Variants in TPST2 observed in about 807,000 individuals in gnomAD.
The protein encoded by TPST2 is tyrosylprotein sulfotransferase 2.
TPST2 carries 16 observed loss-of-function variants against 27.8 expected under a neutral mutation model. That is an observed-to-expected ratio of 0.58 (90% confidence interval 0.39 to 0.88). The LOEUF (loss-of-function observed/expected upper bound fraction) is 0.88. Among genes scored for constraint, TPST2 ranks in the 40% least tolerant of loss-of-function variants. The pLI is 0.00. For synonymous variants in TPST2, 229 were observed against 231.7 expected, an observed-to-expected ratio of 0.99 and a Z score of 0.10; for missense variants, 464 against 543.1, an observed-to-expected ratio of 0.85 and a Z score of 1.45.
intron 1 of TPST2, among the ~76,000 whole-genome samples, chr22:26,546,714 C>T (rs1926145785): frequency 1.3e-5 from 2 of 152,256 alleles, no homozygotes; most frequent in South Asian, 4.1e-4. Context: ...GCACTAGCCA[C>T]ACTGCAAGTG....
chr22:26,582,001 G>A (rs749661311), intron 1 of TPST2, among the ~76,000 whole-genome samples: 12 of 152,222 alleles, frequency 7.9e-5, no homozygotes, highest in Non-Finnish European at 1.8e-4. Flanking sequence ...TGTGGCCTAT[G>A]AGTGGTAATC....
In TPST2 at chr22:26,541,031, C is replaced by T. The variant is rs200350323; in HGVS notation, c.600G>A (p.Ala200=). The T allele has an allele frequency of 7.7e-5, 125 of 1,614,054 alleles. 1 individual carries two copies. In the East Asian group the frequency reaches 2.0e-3, roughly 25 times the overall value. Reference sequence around the variant, plus strand: ...CACGGTAGCTGCTGAGGTCAAAGCCCGCAATGGTGACTTTGCGCGTGATCA... The same window carrying T: ...CACGGTAGCTGCTGAGGTCAAAGCCTGCAATGGTGACTTTGCGCGTGATCA... ...HSMITRKVTI[A]GFDLSSYRDC... The change falls in exon 3 of 7, where the codon GCG becomes GCA. Residue 200 remains alanine, a synonymous_variant. Transcript: ENST00000338754. The surrounding 1 kb of genome is among the most constrained non-coding windows in gnomAD (Gnocchi z 5.9).
At chr22:26,531,213 C>A (rs941453672) in intron 5 of TPST2, among the ~76,000 whole-genome samples, 2 of 152,154 alleles carry the variant, frequency 1.3e-5, no homozygotes, top group Admixed American at 6.6e-5. Context: ...ACCCTCATCT[C>A]CCTACTGTCC....
At chr22:26,557,679 G>C (rs560340875) in intron 1 of TPST2, among the ~76,000 whole-genome samples, 1 of 151,766 alleles carries the variant, frequency 6.6e-6, no homozygotes, top group Admixed American at 6.6e-5. Flanking sequence ...GCTCTCTCTG[G>C]TGTAGGATGC....
chr22:26,584,257 C>A (rs575374349), intron 1 of TPST2, among the ~76,000 whole-genome samples: 1 of 152,130 alleles, frequency 6.6e-6, no homozygotes, highest in Non-Finnish European at 1.5e-5. Flanking sequence ...TGCTTCCAAG[C>A]TCTGCTGTGC....
At position 26,541,310 on chromosome 22, in the gene TPST2, C is replaced by T. The variant is rs781451764; in HGVS notation, c.321G>A (p.Leu107=). ...ACTTGGACCAGGCCTGGCGCATGGCCAGCACGCGCGGGATGATGCGGGTCT... is the reference window on the plus strand; with the variant it reads ...ACTTGGACCAGGCCTGGCGCATGGCTAGCACGCGCGGGATGATGCGGGTCT... ...GEETRIIPRV[L]AMRQAWSKSG... is the part of the protein sequence containing the mutation. The change falls in exon 3 of 7, where the codon CTG becomes CTA. Residue 107 remains leucine, a synonymous_variant. Coordinates refer to ENST00000338754, the MANE Select transcript of TPST2 (RefSeq NM_003595.5). The surrounding 1 kb of genome is among the most constrained non-coding windows in gnomAD (Gnocchi z 5.9). The T allele has an allele frequency of 1.3e-5, 20 of 1,543,218 alleles. No homozygotes were observed. The highest frequency in any genetic ancestry group is 1.7e-5 in the Non-Finnish European group (20 of 1,142,962).
At chr22:26,564,896 G>A (rs1282006453) in intron 1 of TPST2, among the ~76,000 whole-genome samples, 4 of 152,118 alleles carry the variant, frequency 2.6e-5, no homozygotes, top group Admixed American at 2.6e-4. Context: ...TGTGGCCCTG[G>A]GCAAACTGCT....
At chr22:26,552,156 G>T (rs1926517626) in intron 1 of TPST2, among the ~76,000 whole-genome samples, 1 of 152,154 alleles carries the variant, frequency 6.6e-6, no homozygotes, top group Non-Finnish European at 1.5e-5. Flanking sequence ...GGGATTGCAG[G>T]CATGGGCCAC....
At chr22:26,587,438 T>A (rs1232129842) in intron 1 of TPST2, among the ~76,000 whole-genome samples, 1 of 152,104 alleles carries the variant, frequency 6.6e-6, no homozygotes, top group Non-Finnish European at 1.5e-5. Context: ...CCTCCTGGGT[T>A]CAAGCGATTC....
chr22:26,541,180 G>C lies in TPST2; in HGVS notation c.451C>G (p.Pro151Ala), dbSNP rs1925790558. 6.3e-7 allele frequency: 1 copy of C among 1,595,238 alleles called. No individual in the cohort carries two copies. The highest frequency in any genetic ancestry group is 8.6e-7 in the Non-Finnish European group (1 of 1,168,704). Residue 151 changes from proline to alanine, a missense_variant, in exon 3 of 7, where the codon CCG becomes GCG. Transcript: ENST00000338754. The surrounding 1 kb of genome is among the most constrained non-coding windows in gnomAD (Gnocchi z 5.9). ...TCCTTGTTGCAGAGCACGCGGGCCG[G>C]CTCTCCGTGCTTGGCAATCACCTCC... ...ILEVIAKHGE[P>A]ARVLCNKDPF...
chr22:26,581,193 C>T (rs900583401), intron 1 of TPST2, among the ~76,000 whole-genome samples: 2 of 152,172 alleles, frequency 1.3e-5, no homozygotes, highest in Non-Finnish European at 2.9e-5. Flanking sequence ...ACAAAGCTAA[C>T]TCCTACTGGC....
chr22:26,571,008 T>C (rs1248357765), intron 1 of TPST2, among the ~76,000 whole-genome samples: 2 of 152,188 alleles, frequency 1.3e-5, no homozygotes, highest in Non-Finnish European at 2.9e-5. Context: ...GTCTCATCAG[T>C]TGATTTTCAG....
At chr22:26,528,373 AGTATTTACT>A (rs1455133421) in intron 5 of TPST2, 111 bp from the exon 6 acceptor site, 2 of 1,287,126 alleles carry the variant, frequency 1.6e-6, no homozygotes, top group East Asian at 2.5e-5. Flanking sequence ...TTATTCACGT[AGTATTTACT>A]GTACATCTAC....
chr22:26,575,622 C>T (rs1452242071), intron 1 of TPST2, among the ~76,000 whole-genome samples: 1 of 152,224 alleles, frequency 6.6e-6, no homozygotes, highest in Non-Finnish European at 1.5e-5. Context: ...ACAGGAGGTG[C>T]TCATATTTGC....
At chr22:26,569,827 T>C (rs1927529661) in intron 1 of TPST2, among the ~76,000 whole-genome samples, 1 of 150,170 alleles carries the variant, frequency 6.7e-6, no homozygotes, top group Non-Finnish European at 1.5e-5. Context: ...CGCAGGCACC[T>C]GTAATCCCAG....
chr22:26,558,694 G>C (rs904408668), intron 1 of TPST2, among the ~76,000 whole-genome samples: 1 of 152,122 alleles, frequency 6.6e-6, no homozygotes, highest in Non-Finnish European at 1.5e-5. Context: ...GGCCACCCTA[G>C]GGAGAGCAAA....
At chr22:26,530,476 C>T (rs1184895329) in intron 5 of TPST2, among the ~76,000 whole-genome samples, 1 of 151,976 alleles carries the variant, frequency 6.6e-6, no homozygotes, top group Non-Finnish European at 1.5e-5. Context: ...CTGATTCTGC[C>T]TCTCTTCTGT....
chr22:26,574,648 C>T (rs1456547744), intron 1 of TPST2, among the ~76,000 whole-genome samples: 1 of 152,194 alleles, frequency 6.6e-6, no homozygotes, highest in African/African-American at 2.4e-5. Context: ...CTGGGCTCCC[C>T]TCATGCCCAG....
chr22:26,580,324 G>A (rs1928049762), intron 1 of TPST2, among the ~76,000 whole-genome samples: 1 of 152,316 alleles, frequency 6.6e-6, no homozygotes, highest in African/African-American at 2.4e-5. Flanking sequence ...AGGAACCTCA[G>A]CTCCTACACC....
Sources: gnomAD v4.1 joint callset for allele counts (sites outside exome capture counted in the v4.1 genomes callset) on GRCh38, gnomAD v4.1.1 for gene constraint, Gnocchi (gnomAD v3.1) non-coding constraint, MANE v1.5 for transcripts, NCBI Gene and HGNC (gene_info 2026-07-23, HGNC 2026-07-21) for gene names.